Variants in AFAP1L1 observed in about 807,000 individuals in gnomAD.
AFAP1L1 encodes actin filament associated protein 1 like 1.
Under a neutral mutation model 99.8 loss-of-function variants are expected in AFAP1L1, and 77 were observed. The ratio of observed to expected loss-of-function variants is 0.77; its 90% CI spans 0.64 to 0.93. The LOEUF (loss-of-function observed/expected upper bound fraction) is 0.93. Among genes scored for constraint, AFAP1L1 ranks in the 40% least tolerant of loss-of-function variants. AFAP1L1 has a pLI of 0.00. For missense variants in AFAP1L1, 893 were observed against 996.8 expected (o/e 0.90, Z 1.40); for synonymous variants, 373 against 395.3 (o/e 0.94, Z 0.67).
At chr5:149,308,193 T>C (rs1756496217) in intron 7 of AFAP1L1, among the ~76,000 whole-genome samples, 1 of 152,172 alleles carries the variant, frequency 6.6e-6, no homozygotes, top group South Asian at 2.1e-4. Context: ...CATGTTTTTG[T>C]TTTGACAAAA....
chr5:149,339,980 G>C, intron 18 of AFAP1L1, 27 bp from the exon 19 acceptor site: 2 of 1,613,736 alleles, frequency 1.2e-6, no homozygotes, highest in African/African-American at 1.3e-5. Context: ...TCAGCAAATT[G>C]ATTTGTCTTC....
At chr5:149,323,330 C>A (rs998858732) in intron 15 of AFAP1L1, among the ~76,000 whole-genome samples, 8 of 152,318 alleles carry the variant, frequency 5.3e-5, no homozygotes, top group African/African-American at 1.9e-4. Flanking sequence ...CTAGCACCCC[C>A]CAGGAGCTCA....
At chr5:149,272,599 T>C (rs1755162774) in intron 1 of AFAP1L1, among the ~76,000 whole-genome samples, 1 of 152,228 alleles carries the variant, frequency 6.6e-6, no homozygotes, top group South Asian at 2.1e-4. Flanking sequence ...TTTTCCAGTG[T>C]ATTTGGTAGA....
rs535452267 is a variant in AFAP1L1 at position 149,273,623 on chromosome 5, A to G, written c.16+1639A>G. The stretch of plus-strand genomic sequence containing the variant: ...GGCCTAGATTTGTAAAGCAGTTCTC[A>G]CCTGTTAACTGATTTCTAGGCAAGT... On this transcript the variant is annotated intron_variant, in intron 1 of 18. Transcript: ENST00000296721. Among the ~76,000 whole-genome samples, 38 of 152,156 alleles carry G rather than the reference A, an allele frequency of 2.5e-4. 2 individuals carry two copies. Among genetic ancestry groups the G allele is most frequent in the African/African-American group, 7.2e-5 (3 of 41,494 alleles).
rs975374389 is a variant in AFAP1L1 at position 149,322,639 on chromosome 5, G to A, written c.1732G>A (p.Val578Met). The change falls in exon 15 of 19, where the codon GTG (valine) becomes ATG (methionine). Residue 578 changes from valine (V) to methionine (M), a missense_variant. Physicochemically the swap from Val to Met is conservative, Grantham distance 21. Coordinates refer to ENST00000296721, the MANE Select transcript of AFAP1L1 (RefSeq NM_152406.4). ...GCCCGAGCGCCCCACAGGGGCCCAGGTGAAGCGTCACGCCTCCTCCTGCAG... is the reference window on the plus strand; with the variant it reads ...GCCCGAGCGCCCCACAGGGGCCCAGATGAAGCGTCACGCCTCCTCCTGCAG... Reference protein sequence around the residue: ...EEPERPTGAQVKRHASSCSEK... With the variant: ...EEPERPTGAQMKRHASSCSEK... The A allele has an allele frequency of 3.1e-6, 5 of 1,589,858 alleles. No individual in the cohort carries two copies. The African/African-American group carries it at 5.4e-5, about 17-fold the overall frequency.
chr5:149,306,902 G>A (rs888570155), intron 6 of AFAP1L1, among the ~76,000 whole-genome samples: 1 of 152,158 alleles, frequency 6.6e-6, no homozygotes, highest in Non-Finnish European at 1.5e-5. Flanking sequence ...CTCTGAGAAG[G>A]GAAGTAACCA....
chr5:149,315,073 GTCA>G (rs1349262817), intron 9 of AFAP1L1, among the ~76,000 whole-genome samples: 1 of 152,194 alleles, frequency 6.6e-6, no homozygotes, highest in Non-Finnish European at 1.5e-5. Flanking sequence ...TGGTAAGAGA[GTCA>G]TCATTGCTTC....
rs184694694 is a variant in AFAP1L1 at position 149,327,638 on chromosome 5, A to G, written c.1811-2028A>G. 5.3e-4 allele frequency among the ~76,000 whole-genome samples: 80 copies of G among 152,318 alleles called. No homozygotes were observed. In the East Asian group the frequency reaches 0.015, roughly 29 times the overall value. On this transcript the variant is annotated intron_variant, in intron 15 of 18. Transcript: ENST00000296721. ...AAAAATCATGAGGCTGAAAAGTACA[A>G]TAACTGAAACGAAAAACTCACTCAA...
chr5:149,338,652 G>C (rs991120035), intron 18 of AFAP1L1, among the ~76,000 whole-genome samples: 1 of 152,218 alleles, frequency 6.6e-6, no homozygotes, highest in African/African-American at 2.4e-5. Context: ...ACCCAAAAAA[G>C]TCCCTGGTCT....
chr5:149,294,367 A>C (rs139769679), intron 1 of AFAP1L1, among the ~76,000 whole-genome samples: 2 of 152,308 alleles, frequency 1.3e-5, no homozygotes, highest in Non-Finnish European at 2.9e-5. Flanking sequence ...GACCTCTCCA[A>C]TTTAAATTCT....
chr5:149,341,538 A>T lies in AFAP1L1; in HGVS notation c.*1508A>T, dbSNP rs1282199885. The T allele has an allele frequency of 6.6e-6, 1 of 152,218 alleles. No individual in the cohort carries two copies. The highest frequency in any genetic ancestry group is 1.5e-5 in the Non-Finnish European group (1 of 68,038). 9.4% of individuals were successfully genotyped at this position (152,218 alleles called of 1,614,324 possible). ...CCAAGATTGTTGGGAAGATTTAATA[A>T]GATAATATATAGTAGGCATCTTGCA... is the stretch of plus-strand genomic sequence containing the variant. On this transcript the variant is annotated 3_prime_UTR_variant, in exon 19 of 19. Coordinates refer to ENST00000296721, the MANE Select transcript of AFAP1L1 (RefSeq NM_152406.4).
intron 2 of AFAP1L1, 102 bp downstream of exon 2, chr5:149,299,739 C>T: frequency 6.6e-7 from 1 of 1,506,238 alleles, no homozygotes; most frequent in South Asian, 1.3e-5. Context: ...GCCCCACCCC[C>T]ACCCCCAGGG....
chr5:149,340,048 C>T lies in AFAP1L1; in HGVS notation c.*18C>T. 1 of 1,613,834 alleles carries T rather than the reference C, an allele frequency of 6.2e-7. No homozygotes were observed. Among genetic ancestry groups the T allele is most frequent in the Non-Finnish European group, 8.5e-7 (1 of 1,179,792 alleles). On this transcript the variant is annotated 3_prime_UTR_variant, in exon 19 of 19. Coordinates refer to ENST00000296721, the MANE Select transcript of AFAP1L1 (RefSeq NM_152406.4). ...AGACCTAGGAAGAGGATGAGGATTT[C>T]ATTCCAAAGGAAATACCAGCTTGTC...
Position 149,317,922 on chromosome 5 carries a change from G to A in AFAP1L1, c.1461G>A (p.Gln487=). Residue 487 remains glutamine, a synonymous_variant, in exon 12 of 19, where the codon CAG becomes CAA. Transcript: ENST00000296721. Reference sequence around the variant, plus strand: ...CCTTCAGGATCCTGCGCAACCGGCAGGAGGTGGCCATCTTGGAGGTGAGAG... The same window carrying A: ...CCTTCAGGATCCTGCGCAACCGGCAAGAGGTGGCCATCTTGGAGGTGAGAG... ...PFAFRILRNR[Q]EVAILEASCS... is the part of the protein sequence containing the mutation. 6.3e-7 allele frequency: 1 copy of A among 1,576,336 alleles called. No homozygotes were observed. The highest frequency in any genetic ancestry group is 8.6e-7 in the Non-Finnish European group (1 of 1,160,692).
chr5:149,306,539 C>T (rs1756420039), intron 6 of AFAP1L1, 135 bp downstream of exon 6: 3 of 785,810 alleles, frequency 3.8e-6, no homozygotes, highest in Non-Finnish European at 5.9e-6. Flanking sequence ...GGCCCCAACA[C>T]CCTTGTTTTG....
At chr5:149,330,929 A>AT (rs1179183522) in intron 16 of AFAP1L1, among the ~76,000 whole-genome samples, 1 of 151,714 alleles carries the variant, frequency 6.6e-6, no homozygotes, top group Non-Finnish European at 1.5e-5. Flanking sequence ...TTTAAAAAAA[A>AT]TTTTTTTTTA....
At chr5:149,335,120 T>C (rs1420254507) in intron 17 of AFAP1L1, among the ~76,000 whole-genome samples, 1 of 152,244 alleles carries the variant, frequency 6.6e-6, no homozygotes, top group East Asian at 1.9e-4. Context: ...TCATTATCGT[T>C]ATCTGAAGGT....
intron 15 of AFAP1L1, among the ~76,000 whole-genome samples, chr5:149,328,991 C>A (rs530269079): frequency 6.6e-6 from 1 of 152,216 alleles, no homozygotes; most frequent in Admixed American, 6.5e-5. Flanking sequence ...CTCCCCCAAC[C>A]CCTTCCCCAG....
chr5:149,289,470 C>T (rs1755787145), intron 1 of AFAP1L1, among the ~76,000 whole-genome samples: 3 of 151,786 alleles, frequency 2.0e-5, no homozygotes, highest in African/African-American at 7.3e-5. Flanking sequence ...TTTTTCTGCG[C>T]CTTTGTCATT....
Sources: gnomAD v4.1 joint callset for allele counts (sites outside exome capture counted in the v4.1 genomes callset) on GRCh38, gnomAD v4.1.1 for gene constraint, MANE v1.5 for transcripts, NCBI Gene and HGNC (gene_info 2026-07-23, HGNC 2026-07-21) for gene names.